Variants in CNTN5 observed in about 807,000 individuals in gnomAD.
CNTN5 encodes contactin-5.
CNTN5 carries 77 observed loss-of-function variants against 129.1 expected under a neutral mutation model. The ratio of observed to expected loss-of-function variants is 0.60; its 90% CI spans 0.50 to 0.72. The LOEUF (loss-of-function observed/expected upper bound fraction) is 0.72. Among genes scored for constraint, CNTN5 ranks in the 30% least tolerant of loss-of-function variants. The pLI is 0.00. For synonymous variants in CNTN5, 509 were observed against 465.6 expected, an observed-to-expected ratio of 1.09 and a Z score of -1.20; for missense variants, 1,478 against 1,328.8, an observed-to-expected ratio of 1.11 and a Z score of -1.75.
intron 3 of CNTN5, among the ~76,000 whole-genome samples, chr11:99,662,448 A>C (rs1952628543): frequency 6.6e-6 from 1 of 152,186 alleles, no homozygotes; most frequent in African/African-American, 2.4e-5. Flanking sequence ...AGCTAGATAA[A>C]AGTAGTATAC....
rs371397931 is a variant in CNTN5, at chr11:99,116,134, A to T, written c.-210+94864A>T. On this transcript the variant is annotated intron_variant, in intron 1 of 24. Transcript: ENST00000524871. Reference sequence around the variant, plus strand: ...ATTTCTTCACAATATAGAGAAAATAATATTACAAATGCCTACACATTTTAT... The same window carrying T: ...ATTTCTTCACAATATAGAGAAAATATTATTACAAATGCCTACACATTTTAT... Among the ~76,000 whole-genome samples, 14 of 152,302 alleles carry T rather than the reference A, an allele frequency of 9.2e-5. No individual in the cohort carries two copies. In the East Asian group the frequency reaches 2.7e-3, roughly 29 times the overall value.
intron 13 of CNTN5, among the ~76,000 whole-genome samples, chr11:100,094,594 C>T (rs1459474161): frequency 6.6e-6 from 1 of 151,894 alleles, no homozygotes; most frequent in Non-Finnish European, 1.5e-5. Context: ...CTGAGTACCT[C>T]TTTTCTAATT....
chr11:100,161,279 G>GCCCAAGC (rs1362725203), intron 13 of CNTN5, among the ~76,000 whole-genome samples: 1 of 151,774 alleles, frequency 6.6e-6, no homozygotes, highest in Admixed American at 6.6e-5. Context: ...CTTGAAGAAG[G>GCCCAAGC]CCCAAGCCCC....
rs1336482098 is a variant in CNTN5, at chr11:100,357,850, G to A, written c.*1630G>A. On this transcript the variant is annotated 3_prime_UTR_variant, in exon 25 of 25. Coordinates refer to ENST00000524871, the MANE Select transcript of CNTN5 (RefSeq NM_014361.4). Reference sequence around the variant, plus strand: ...TCAGAGCCACAGTAAAAGTCTGTATGTAGGTTACATATTCTCTTTGGGGAA... The same window carrying A: ...TCAGAGCCACAGTAAAAGTCTGTATATAGGTTACATATTCTCTTTGGGGAA... 1.3e-5 allele frequency: 2 copies of A among 151,754 alleles called. No homozygotes were observed. Among genetic ancestry groups the A allele is most frequent in the East Asian group, 1.9e-4 (1 of 5,170 alleles). The allele number at this position is 151,754 out of a possible 1,614,324, so 9.4% of individuals were successfully genotyped here.
chr11:100,307,265 A>T (rs1472769128), intron 20 of CNTN5, among the ~76,000 whole-genome samples: 1 of 151,598 alleles, frequency 6.6e-6, no homozygotes, highest in Non-Finnish European at 1.5e-5. Flanking sequence ...ATGAAGCTCA[A>T]CTCTAATCAG....
intron 1 of CNTN5, among the ~76,000 whole-genome samples, chr11:99,187,017 G>A (rs1012825116): frequency 1.3e-5 from 2 of 151,832 alleles, no homozygotes; most frequent in African/African-American, 4.8e-5. Flanking sequence ...GATCTAAGAG[G>A]GTTGAGTGTT....
intron 3 of CNTN5, among the ~76,000 whole-genome samples, chr11:99,715,336 G>A (rs1755980688): frequency 6.6e-6 from 1 of 151,698 alleles, no homozygotes; most frequent in African/African-American, 2.4e-5. Flanking sequence ...AGCTCACAGA[G>A]GCAATGGTGA....
At chr11:99,808,195 G>C (rs1946329036) in intron 3 of CNTN5, among the ~76,000 whole-genome samples, 2 of 152,166 alleles carry the variant, frequency 1.3e-5, no homozygotes, top group African/African-American at 4.8e-5. Flanking sequence ...CTGACATTAA[G>C]GTTTTGTTGA....
At chr11:99,449,268 T>C (rs1395759592) in intron 2 of CNTN5, among the ~76,000 whole-genome samples, 1 of 152,222 alleles carries the variant, frequency 6.6e-6, no homozygotes, top group Non-Finnish European at 1.5e-5. Context: ...AGAAAGTTCA[T>C]GGATAATGAT....
chr11:99,974,923 T>G (rs768127873), intron 8 of CNTN5, among the ~76,000 whole-genome samples: 12 of 152,262 alleles, frequency 7.9e-5, no homozygotes, highest in Middle Eastern at 3.2e-3. Context: ...ATCATCCACT[T>G]GTTTAATAAA....
intron 3 of CNTN5, among the ~76,000 whole-genome samples, chr11:99,646,363 T>A (rs1951961037): frequency 6.6e-6 from 1 of 152,220 alleles, no homozygotes; most frequent in Non-Finnish European, 1.5e-5. Flanking sequence ...ATGAGAAATT[T>A]ATTCTATCTG....
At chr11:99,442,675 A>G (rs760532914) in intron 2 of CNTN5, among the ~76,000 whole-genome samples, 1 of 152,262 alleles carries the variant, frequency 6.6e-6, no homozygotes, top group Admixed American at 6.5e-5. Flanking sequence ...ACAAAGACAT[A>G]TAAAACCAGT....
At chr11:100,098,163 T>C (rs1197690423) in intron 13 of CNTN5, among the ~76,000 whole-genome samples, 2 of 151,986 alleles carry the variant, frequency 1.3e-5, no homozygotes, top group Non-Finnish European at 2.9e-5. Flanking sequence ...AAAGCTTCTG[T>C]CCAATTACCC....
chr11:99,229,916 AATAT>A (rs1177684665), intron 1 of CNTN5, among the ~76,000 whole-genome samples: 3 of 151,964 alleles, frequency 2.0e-5, no homozygotes, highest in African/African-American at 7.2e-5. Flanking sequence ...TATAATGTGC[AATAT>A]ATATATTGCA....
At chr11:99,793,005 A>T (rs999494157) in intron 3 of CNTN5, among the ~76,000 whole-genome samples, 5 of 149,638 alleles carry the variant, frequency 3.3e-5, no homozygotes, top group Non-Finnish European at 7.4e-5. Context: ...GTTTATTTGG[A>T]TCTTCCCTCT....
chr11:100,149,527 G>GAATT (rs1434613750), intron 13 of CNTN5, among the ~76,000 whole-genome samples: 4 of 152,204 alleles, frequency 2.6e-5, no homozygotes, highest in South Asian at 4.1e-4. Flanking sequence ...TATATTTATT[G>GAATT]AATTATTTTG....
chr11:100,348,095 T>C (rs1952327262), intron 23 of CNTN5, among the ~76,000 whole-genome samples: 1 of 152,020 alleles, frequency 6.6e-6, no homozygotes, highest in South Asian at 2.1e-4. Context: ...GACAATACAT[T>C]AGACAATTTT....
chr11:99,770,025 C>G (rs1034918485), intron 3 of CNTN5, among the ~76,000 whole-genome samples: 2 of 151,974 alleles, frequency 1.3e-5, no homozygotes, highest in African/African-American at 2.4e-5. Flanking sequence ...GTATCACTAC[C>G]TAAAATCTAT....
intron 1 of CNTN5, among the ~76,000 whole-genome samples, chr11:99,029,633 T>A (rs1863267874): frequency 6.6e-6 from 1 of 152,126 alleles, no homozygotes; most frequent in Non-Finnish European, 1.5e-5. Flanking sequence ...GTAGGAAAGC[T>A]AATTAATGTA....
Sources: allele counts gnomAD v4.1 joint callset (sites outside exome capture counted in the v4.1 genomes callset), GRCh38; gene constraint gnomAD v4.1.1; transcripts MANE v1.5; gene names NCBI Gene and HGNC (gene_info 2026-07-23, HGNC 2026-07-21).